MKLN1: variants seen among roughly 807,000 people sequenced by gnomAD.
MKLN1 encodes muskelin.
A neutral mutation model predicts 99.0 loss-of-function variants in MKLN1; 18 were observed. The ratio of observed to expected loss-of-function variants is 0.18; its 90% CI spans 0.13 to 0.27. The LOEUF (loss-of-function observed/expected upper bound fraction) is 0.27, where lower values mean the gene tolerates loss of function less well. Ranked by LOEUF, MKLN1 falls within the 10% of genes least tolerant of loss-of-function variation. The pLI is 1.00. For missense variants in MKLN1, 621 were observed against 875.9 expected, an observed-to-expected ratio of 0.71 and a Z score of 3.67; for synonymous variants, 288 against 293.2, an observed-to-expected ratio of 0.98 and a Z score of 0.18.
At position 131,478,591 on chromosome 7, in the gene MKLN1, GCTT is replaced by G. The variant is rs746815007; in HGVS notation, c.2032-28_2032-26del. On this transcript the variant is annotated intron_variant, in intron 16 of 17. Coordinates refer to ENST00000352689, the MANE Select transcript of MKLN1 (RefSeq NM_013255.5). The stretch of plus-strand genomic sequence containing the variant: ...AGTGCACTTAGCCAGCTAATTTGCT[GCTT>G]CTTTTTTTTTTTTTTTTTTTTTAAA... The G allele has an allele frequency of 5.8e-5, 66 of 1,137,942 alleles. No individual in the cohort carries two copies. In the East Asian group the frequency reaches 1.1e-3, roughly 20 times the overall value. The allele number at this position is 1,137,942 out of a possible 1,614,324, so 70.5% of individuals were successfully genotyped here. A position where few individuals can be genotyped will look rare whatever the true frequency, so the allele number is the denominator to read the frequency against.
intron 4 of MKLN1, among the ~76,000 whole-genome samples, chr7:131,392,106 G>C (rs576835291): frequency 2.0e-5 from 3 of 152,100 alleles, no homozygotes; most frequent in African/African-American, 7.2e-5. Flanking sequence ...ATGGGTTGAG[G>C]GTATTGGTTA....
rs556258488 is a variant in MKLN1 at position 131,186,217 on chromosome 7, T to C, written c.-296-16640T>C. Among the ~76,000 whole-genome samples, 7 of 151,192 alleles carry C rather than the reference T, an allele frequency of 4.6e-5. No homozygotes were observed. The South Asian group carries it at 1.5e-3, about 32-fold the overall frequency. ...AAAACAAACAAACAAACAGCCTCTG[T>C]TCTGACCAGGTATGGGTGGCTCACG... On this transcript the variant is annotated intron_variant, in intron 2 of 7. Transcript: ENST00000416992.
At chr7:131,295,210 T>C (rs1213092411) in intron 3 of MKLN1, among the ~76,000 whole-genome samples, 2 of 152,210 alleles carry the variant, frequency 1.3e-5, no homozygotes, top group Non-Finnish European at 2.9e-5. Context: ...TGTCACTATG[T>C]TGCCCAGGCT....
intron 1 of MKLN1, among the ~76,000 whole-genome samples, chr7:131,368,474 C>T (rs1800247714): frequency 6.6e-6 from 1 of 152,098 alleles, no homozygotes; most frequent in African/African-American, 2.4e-5. Context: ...GGAAGCATGA[C>T]TGGGAGGCCT....
At chr7:131,135,568 C>G (rs533068367) in intron 1 of MKLN1, among the ~76,000 whole-genome samples, 1 of 152,190 alleles carries the variant, frequency 6.6e-6, no homozygotes. Flanking sequence ...GCCAAAGAGA[C>G]TGCGAGGGAA....
intron 1 of MKLN1, among the ~76,000 whole-genome samples, chr7:131,331,789 G>T (rs575716590): frequency 5.9e-5 from 9 of 152,274 alleles, no homozygotes; most frequent in African/African-American, 2.2e-4. Context: ...GGGAAAAATA[G>T]ATTTTATCTT....
chr7:131,322,309 T>TCC (rs1798794417), intron 3 of MKLN1, among the ~76,000 whole-genome samples: 2 of 152,208 alleles, frequency 1.3e-5, no homozygotes, highest in Admixed American at 6.5e-5. Flanking sequence ...AAAGACATGA[T>TCC]AAGATTTAAA....
intron 2 of MKLN1, among the ~76,000 whole-genome samples, chr7:131,146,449 G>C (rs944446856): frequency 2.0e-5 from 3 of 152,156 alleles, no homozygotes; most frequent in Non-Finnish European, 2.9e-5. Flanking sequence ...ATCAAACCGA[G>C]GAGTTTATCT....
At position 131,351,352 on chromosome 7, in the gene MKLN1, T is replaced by TC. The variant is rs543600848; in HGVS notation, c.98+23359dup. ...ATCAGGTCATTTGTCCTGAAGAAGC[T>TC]CCCCTATTCTAGATATGTTCAGTTG... is the stretch of plus-strand genomic sequence containing the variant. On this transcript the variant is annotated intron_variant, in intron 1 of 17. Transcript: ENST00000352689. Among the ~76,000 whole-genome samples, 90 of 152,314 alleles carry TC rather than the reference T, an allele frequency of 5.9e-4. 1 individual carries two copies. The East Asian group carries it at 0.012, about 21-fold the overall frequency.
At chr7:131,373,826 T>C (rs1468970979) in intron 1 of MKLN1, among the ~76,000 whole-genome samples, 5 of 152,198 alleles carry the variant, frequency 3.3e-5, no homozygotes, top group Non-Finnish European at 7.4e-5. Flanking sequence ...ATTTCACTAG[T>C]TTTCCCACAA....
intron 3 of MKLN1, among the ~76,000 whole-genome samples, 188 bp from the exon 4 acceptor site, chr7:131,388,696 T>C (rs1794106600): frequency 6.6e-6 from 1 of 152,248 alleles, no homozygotes; most frequent in Non-Finnish European, 1.5e-5. Context: ...AATCCAGTTA[T>C]AATGCTGTTG....
intron 3 of MKLN1, among the ~76,000 whole-genome samples, chr7:131,319,326 C>T (rs1798727291): frequency 6.6e-6 from 1 of 152,186 alleles, no homozygotes; most frequent in East Asian, 1.9e-4. Flanking sequence ...ATCACGTAAA[C>T]AGAACCAATG....
At chr7:131,467,376 G>A (rs1411882208) in intron 15 of MKLN1, among the ~76,000 whole-genome samples, 2 of 152,182 alleles carry the variant, frequency 1.3e-5, no homozygotes, top group Non-Finnish European at 2.9e-5. Flanking sequence ...TAGATGGTAA[G>A]TACAATGAAA....
At chr7:131,398,522 C>T (rs565112489) in intron 5 of MKLN1, among the ~76,000 whole-genome samples, 5 of 152,012 alleles carry the variant, frequency 3.3e-5, no homozygotes, top group South Asian at 2.1e-4. Flanking sequence ...GGTGAAACCC[C>T]GACTCTACTA....
chr7:131,380,146 T>A (rs980701852), intron 2 of MKLN1, among the ~76,000 whole-genome samples: 1 of 152,176 alleles, frequency 6.6e-6, no homozygotes, highest in African/African-American at 2.4e-5. Context: ...AAGTCCAGTT[T>A]CATATCATCC....
chr7:131,232,321 A>C (rs1314769172), intron 3 of MKLN1, among the ~76,000 whole-genome samples: 2 of 152,212 alleles, frequency 1.3e-5, no homozygotes, highest in Admixed American at 1.3e-4. Context: ...ATTTCAGTTC[A>C]TGTAGAAATG....
Position 131,495,318 on chromosome 7 carries a change from G to A in MKLN1, c.*7590G>A, listed in dbSNP as rs979261784. Reference sequence around the variant, plus strand: ...CTTTCCAAGTCTGCTTATTAATGCTGTGAATCGCTCCTTCTGTTTGTGAAA... The same window carrying A: ...CTTTCCAAGTCTGCTTATTAATGCTATGAATCGCTCCTTCTGTTTGTGAAA... On this transcript the variant is annotated 3_prime_UTR_variant, in exon 18 of 18. Transcript: ENST00000352689. 1 of 152,140 alleles carries A rather than the reference G, an allele frequency of 6.6e-6. No homozygotes were observed. Among genetic ancestry groups the A allele is most frequent in the Non-Finnish European group, 1.5e-5 (1 of 68,020 alleles). The allele number at this position is 152,140 out of a possible 1,614,324, so 9.4% of individuals were successfully genotyped here. A position where few individuals can be genotyped will look rare whatever the true frequency, so the allele number is the denominator to read the frequency against.
At chr7:131,303,619 T>G (rs188027079) in intron 3 of MKLN1, among the ~76,000 whole-genome samples, 7 of 152,364 alleles carry the variant, frequency 4.6e-5, no homozygotes. Flanking sequence ...ATTCCATCTC[T>G]TGGACTTCTG....
At chr7:131,178,397 A>G (rs2116352322) in intron 2 of MKLN1, among the ~76,000 whole-genome samples, 1 of 146,370 alleles carries the variant, frequency 6.8e-6, no homozygotes, top group African/African-American at 2.5e-5. Context: ...TCGGCCTCCC[A>G]AAGTGCTGGG....
Sources: gnomAD v4.1 joint callset for allele counts (sites outside exome capture counted in the v4.1 genomes callset) on GRCh38, gnomAD v4.1.1 for gene constraint, MANE v1.5 for transcripts, NCBI Gene and HGNC (gene_info 2026-07-23, HGNC 2026-07-21) for gene names.